Variants in ZAN observed in about 807,000 individuals in gnomAD.
ZAN encodes the protein zonadhesin, also known as zonadhesin (gene/pseudogene).
A neutral mutation model predicts 286.2 loss-of-function variants in ZAN; 260 were observed. The ratio of observed to expected loss-of-function variants is 0.91; its 90% confidence interval spans 0.82 to 1.01. ZAN has a LOEUF of 1.01. Ranked by LOEUF, ZAN falls within the 50% of genes least tolerant of loss-of-function variation. The pLI, the probability that ZAN is intolerant of heterozygous loss-of-function variation, is 0.00. For missense variants in ZAN, 3,410 were observed against 3,639.2 expected (o/e 0.94, Z 1.62); for synonymous variants, 1,368 against 1,417.5 (o/e 0.97, Z 0.79).
chr7:100,755,110 A>C, intron 14 of ZAN, 116 bp from the exon 15 acceptor site: 1 of 1,272,914 alleles, frequency 7.9e-7, no homozygotes, highest in Admixed American at 2.3e-5. Context: ...TTTATGGCTA[A>C]ATAATATGGT....
In ZAN at chr7:100,768,833, C is replaced by G. The variant is rs1025354349; in HGVS notation, c.5153+112C>G. The G allele has an allele frequency of 1.5e-5, 13 of 839,366 alleles. No individual in the cohort carries two copies. In the African/African-American group the frequency reaches 2.2e-4, roughly 14 times the overall value. 52.0% of individuals were successfully genotyped at this position (839,366 alleles called of 1,614,324 possible). On this transcript the variant is annotated intron_variant, in intron 27 of 47. Transcript: ENST00000613979. Reference sequence around the variant, plus strand: ...CCCCACTCCCTCTGTGCTGTACCTCCCAACTGGCAGGAAACTGGCAATCTC... The same window carrying G: ...CCCCACTCCCTCTGTGCTGTACCTCGCAACTGGCAGGAAACTGGCAATCTC...
rs1437887556 is a variant in ZAN at position 100,784,854 on chromosome 7, G to A, written c.6834+20G>A. 1.9e-6 allele frequency: 3 copies of A among 1,563,484 alleles called. No individual in the cohort carries two copies. The East Asian group carries it at 6.8e-5, about 35-fold the overall frequency. ...ATCCCTGTGAGTGGGCATGGGAAAT[G>A]GGACTGGAGGCAACACAGCTTGAGG... On this transcript the variant is annotated intron_variant, in intron 36 of 47. Transcript: ENST00000613979.
intron 11 of ZAN, among the ~76,000 whole-genome samples, chr7:100,749,450 C>T (rs1051804500): frequency 1.3e-5 from 2 of 150,290 alleles, no homozygotes; most frequent in Non-Finnish European, 3.0e-5. Flanking sequence ...ACCATCCTGG[C>T]TAACACGGTG....
intron 28 of ZAN, among the ~76,000 whole-genome samples, chr7:100,770,696 C>T (rs1810314785): frequency 6.6e-6 from 1 of 151,704 alleles, no homozygotes; most frequent in African/African-American, 2.4e-5. Flanking sequence ...ACTCTGTTGC[C>T]CAGGCTGGAG....
At chr7:100,758,083 CACAA>C (rs879823840) in intron 15 of ZAN, 115 bp from the exon 16 acceptor site, 27 of 845,612 alleles carry the variant, frequency 3.2e-5, no homozygotes, top group Non-Finnish European at 3.7e-5. Context: ...AAGACTCCAT[CACAA>C]ATAAATAAAT....
chr7:100,796,923 A>G (rs976640797), intron 45 of ZAN, among the ~76,000 whole-genome samples: 1 of 152,030 alleles, frequency 6.6e-6, no homozygotes, highest in Non-Finnish European at 1.5e-5. Flanking sequence ...GGATCACTTG[A>G]GCCAGGAGTT....
intron 22 of ZAN, among the ~76,000 whole-genome samples, chr7:100,765,067 C>T (rs143352118): frequency 2.5e-4 from 38 of 152,242 alleles, no homozygotes; most frequent in Non-Finnish European, 5.1e-4. Context: ...CCCTGCGGGC[C>T]AACAGCTCAC....
rs1004564157 is a variant in ZAN, at chr7:100,750,794, G to A, written c.1419G>A (p.Ala473=). 6.8e-6 allele frequency: 11 copies of A among 1,610,938 alleles called. No homozygotes were observed. In the Admixed American group the frequency reaches 1.2e-4, roughly 17 times the overall value. ...TCGAACTCCTCCTGGGAAGTCCTGCGGGGAGTCCCCCGATTCCTCTCTGGA... is the reference window on the plus strand; with the variant it reads ...TCGAACTCCTCCTGGGAAGTCCTGCAGGGAGTCCCCCGATTCCTCTCTGGA... The part of the protein sequence containing the change: ...TMLELLLGSP[A]GSPPIPLWKR... The change falls in exon 12 of 48, where the codon GCG becomes GCA. Residue 473 remains alanine, a synonymous_variant. Transcript: ENST00000613979.
intron 27 of ZAN, among the ~76,000 whole-genome samples, chr7:100,769,293 C>T (rs943909571): frequency 6.6e-6 from 1 of 150,954 alleles, no homozygotes; most frequent in Non-Finnish European, 1.5e-5. Flanking sequence ...AGCGCTTCTC[C>T]GTGTTGGCCA....
intron 42 of ZAN, among the ~76,000 whole-genome samples, chr7:100,792,821 C>A (rs371307332): frequency 3.3e-5 from 5 of 151,540 alleles, no homozygotes; most frequent in East Asian, 3.9e-4. Context: ...ATGTTGCAGA[C>A]CCTGGATGGG....
At chr7:100,793,362 A>G (rs1270032963) in intron 42 of ZAN, among the ~76,000 whole-genome samples, 1 of 152,048 alleles carries the variant, frequency 6.6e-6, no homozygotes, top group Admixed American at 6.6e-5. Flanking sequence ...TAAAAAAATA[A>G]AAAATAAAAA....
intron 33 of ZAN, 27 bp downstream of exon 33, chr7:100,775,860 C>T (rs1206631576): frequency 2.5e-6 from 4 of 1,609,652 alleles, no homozygotes; most frequent in Non-Finnish European, 3.4e-6. Context: ...GCTCTTCTCG[C>T]TGGGGAGGCA....
In ZAN at chr7:100,790,924, AC is replaced by A. The variant is rs779220424; in HGVS notation, c.7358-13del. On this transcript the variant is annotated splice_polypyrimidine_tract_variant and intron_variant, in intron 39 of 47. Transcript: ENST00000613979. The stretch of plus-strand genomic sequence containing the variant: ...AGAGTGAGGAGTCTCACTTCTGGGG[AC>A]CCCCTTCCTCCCGCAGTGATCTCCC... 10 of 1,551,418 alleles carry A rather than the reference AC, an allele frequency of 6.4e-6. No individual in the cohort carries two copies. In the African/African-American group the frequency reaches 1.3e-4, roughly 20 times the overall value.
intron 2 of ZAN, 105 bp from the exon 3 acceptor site, chr7:100,735,615 C>A: frequency 1.1e-6 from 1 of 881,860 alleles, no homozygotes; most frequent in Non-Finnish European, 1.7e-6. Context: ...TGCATAAACA[C>A]TGATCATCCT....
Position 100,752,078 on chromosome 7 carries a change from C to A in ZAN, c.1973C>A (p.Thr658Lys). The A allele has an allele frequency of 6.2e-7, 1 of 1,612,808 alleles. No individual in the cohort carries two copies. Among genetic ancestry groups the A allele is most frequent in the Non-Finnish European group, 8.5e-7 (1 of 1,179,684 alleles). Residue 658 changes from threonine (T) to lysine (K), a missense_variant, in exon 14 of 48, where the codon ACA becomes AAA. Thr to Lys is a moderately conservative substitution (Grantham distance 78, BLOSUM62 -1). This residue lies in a region of ZAN where 872 missense variants were observed against 938.9 expected (regional missense o/e 0.93). Coordinates refer to ENST00000613979, the MANE Select transcript of ZAN (RefSeq NM_003386.3). ...TISTEKPTVP[T>K]EEPTTPTEET... ...TCCACAGAAAAACCCACCGTCCCCA[C>A]AGAAGAGCCCACCACCCCCACTGAG...
chr7:100,774,334 C>A (rs918817753), intron 31 of ZAN, among the ~76,000 whole-genome samples: 6 of 152,104 alleles, frequency 3.9e-5, no homozygotes, highest in African/African-American at 7.2e-5. Context: ...CGTGCCATTG[C>A]ACTCCAGCCT....
At chr7:100,747,986 T>TAAA in intron 9 of ZAN, 151 bp from the exon 10 acceptor site, 1 of 578,418 alleles carries the variant, frequency 1.7e-6, no homozygotes, top group Non-Finnish European at 2.9e-6. Flanking sequence ...AGCAAGACTC[T>TAAA]GAAAAAAAAA....
chr7:100,736,298 G>A (rs767876251), intron 3 of ZAN, among the ~76,000 whole-genome samples, 185 bp from the exon 4 acceptor site: 1 of 142,390 alleles, frequency 7.0e-6, no homozygotes, highest in Non-Finnish European at 1.6e-5. Flanking sequence ...CCGCCTCCTG[G>A]GTTCAAGCGA....
chr7:100,741,046 G>T (rs1807710003), intron 7 of ZAN, among the ~76,000 whole-genome samples: 1 of 37,760 alleles, frequency 2.6e-5, no homozygotes, highest in Non-Finnish European at 6.3e-5. Flanking sequence ...CTTCCCAGTA[G>T]GGGCGGCCGG....
Sources: allele counts gnomAD v4.1 joint callset (sites outside exome capture counted in the v4.1 genomes callset), GRCh38; gene constraint gnomAD v4.1.1; regional missense constraint gnomAD v4.1.1; transcripts MANE v1.5; gene names NCBI Gene and HGNC (gene_info 2026-07-23, HGNC 2026-07-21).